The following KANSL2 variants were observed in gnomAD, a reference collection of about 807,000 sequenced individuals.
KANSL2 encodes the protein KAT8 regulatory NSL complex subunit 2, also known as NSL complex protein NSL2.
Under a neutral mutation model 55.6 loss-of-function variants are expected in KANSL2, and 34 were observed. The ratio of observed to expected loss-of-function variants is 0.61; its 90% CI spans 0.46 to 0.81. KANSL2 has a LOEUF of 0.81. Among genes scored for constraint, KANSL2 ranks in the 40% least tolerant of loss-of-function variants. The pLI, the probability that KANSL2 is intolerant of heterozygous loss-of-function variation, is 0.00. For missense variants in KANSL2, 502 were observed against 609.9 expected, an observed-to-expected ratio of 0.82 and a Z score of 1.86; for synonymous variants, 209 against 214.3, an observed-to-expected ratio of 0.98 and a Z score of 0.22.
rs926433330 is a variant in KANSL2 at position 48,679,661 on chromosome 12, T to G, written c.424A>C (p.Ile142Leu). The change falls in exon 3 of 10, where the codon ATA becomes CTA. Residue 142 changes from isoleucine (I) to leucine (L), a missense_variant. By Grantham distance (5) the Ile-to-Leu change is conservative. Coordinates refer to ENST00000420613, the MANE Select transcript of KANSL2 (RefSeq NM_017822.4). ...PESSRSEASR[I>L]LDEDSWSDGE... The stretch of plus-strand genomic sequence containing the variant: ...CAGGAGAGAAGGTCCTTACCTAGTA[T>G]TCGGCTGGCTTCACTGCGACTACTT... 2.5e-6 allele frequency: 4 copies of G among 1,613,330 alleles called. No homozygotes were observed. The highest frequency in any genetic ancestry group is 3.4e-6 in the Non-Finnish European group (4 of 1,179,662).
chr12:48,663,482 A>G (rs1316594251), intron 7 of KANSL2, among the ~76,000 whole-genome samples: 1 of 152,198 alleles, frequency 6.6e-6, no homozygotes, highest in Non-Finnish European at 1.5e-5. Flanking sequence ...CTTTAACAAC[A>G]CAAGCTTGAA....
intron 4 of KANSL2, among the ~76,000 whole-genome samples, chr12:48,677,824 T>C (rs17123234): frequency 0.012 from 1,790 of 150,650 alleles, 36 homozygotes; most frequent in African/African-American, 0.041. Context: ...ATGAATATGT[T>C]GGTTTAAGTT....
intron 4 of KANSL2, 119 bp from the exon 5 acceptor site, chr12:48,672,081 A>G: frequency 1.3e-6 from 1 of 786,246 alleles, no homozygotes; most frequent in East Asian, 2.8e-5. Context: ...TAATCACCTT[A>G]ATGTTTTTGC....
rs1473193819 is a variant in KANSL2, at chr12:48,681,998, T to G, written c.-10+189A>C. On this transcript the variant is annotated intron_variant, in intron 1 of 9. Transcript: ENST00000420613. ...TCAGAGCGCACGACTGGGCCTGGCCTCGGAAGCCTATGCGAGCGCCATTTT... is the reference window on the plus strand; with the variant it reads ...TCAGAGCGCACGACTGGGCCTGGCCGCGGAAGCCTATGCGAGCGCCATTTT... 4.3e-6 allele frequency: 3 copies of G among 702,876 alleles called. No homozygotes were observed. In the East Asian group the frequency reaches 8.0e-5, roughly 19 times the overall value. The allele number at this position is 702,876 out of a possible 1,614,324, so 43.5% of individuals were successfully genotyped here.
intron 2 of KANSL2, among the ~76,000 whole-genome samples, chr12:48,680,942 C>T (rs1376421324): frequency 1.3e-5 from 2 of 151,458 alleles, no homozygotes; most frequent in Non-Finnish European, 2.9e-5. Context: ...TGCACTCCAG[C>T]CTGGGGAATA....
At chr12:48,677,411 G>A (rs970327038) in intron 4 of KANSL2, among the ~76,000 whole-genome samples, 6 of 152,024 alleles carry the variant, frequency 3.9e-5, no homozygotes, top group East Asian at 1.9e-4. Flanking sequence ...CACACCAAAC[G>A]ACACTCCCTT....
At chr12:48,670,074 G>A (rs767441652) in intron 5 of KANSL2, among the ~76,000 whole-genome samples, 33 of 151,656 alleles carry the variant, frequency 2.2e-4, no homozygotes, top group Non-Finnish European at 3.8e-4. Context: ...GGTGGCATGC[G>A]CCTATAGTCC....
intron 4 of KANSL2, among the ~76,000 whole-genome samples, chr12:48,677,049 G>A (rs1939834210): frequency 6.6e-6 from 1 of 152,088 alleles, no homozygotes; most frequent in South Asian, 2.1e-4. Flanking sequence ...TAATCATAAG[G>A]AGACACTGAA....
At chr12:48,672,048 T>C (rs948695357) in intron 4 of KANSL2, 86 bp from the exon 5 acceptor site, 2 of 1,186,520 alleles carry the variant, frequency 1.7e-6, no homozygotes, top group Non-Finnish European at 2.3e-6. Flanking sequence ...CAGACTAAGT[T>C]TGTTATTTAA....
chr12:48,672,348 CACATATACATATATACATGTATATAT>C (rs1386660723), intron 4 of KANSL2, among the ~76,000 whole-genome samples: 2 of 145,778 alleles, frequency 1.4e-5, no homozygotes, highest in African/African-American at 5.0e-5. Context: ...ATGTATCTTT[CACATATACATATATACATGTATATAT>C]ACGTATATAT....
chr12:48,659,456 T>C (rs538844632), intron 8 of KANSL2, among the ~76,000 whole-genome samples: 45 of 151,906 alleles, frequency 3.0e-4, no homozygotes, highest in African/African-American at 1.1e-3. Flanking sequence ...AGATCTCATC[T>C]ATACAAAAAA....
At chr12:48,664,940 G>A (rs1001497417) in intron 7 of KANSL2, among the ~76,000 whole-genome samples, 2 of 134,002 alleles carry the variant, frequency 1.5e-5, no homozygotes, top group African/African-American at 5.7e-5. Flanking sequence ...AAAGTAGAAT[G>A]CAGTGGCATG....
At chr12:48,665,232 AAAGACTAAG>A (rs1318868590) in intron 7 of KANSL2, among the ~76,000 whole-genome samples, 1 of 152,220 alleles carries the variant, frequency 6.6e-6, no homozygotes, top group African/African-American at 2.4e-5. Context: ...CTTCCTGTCA[AAAGACTAAG>A]AAGAGGTTCT....
chr12:48,658,147 C>T (rs1939424155), intron 8 of KANSL2, among the ~76,000 whole-genome samples: 1 of 152,076 alleles, frequency 6.6e-6, no homozygotes, highest in Non-Finnish European at 1.5e-5. Flanking sequence ...CGGAGAATCG[C>T]TTGAACCCAG....
rs1253506714 is a variant in KANSL2, at chr12:48,660,470, G to C, written c.1123C>G (p.Gln375Glu). The change falls in exon 8 of 10, where the codon CAG becomes GAG. Residue 375 changes from glutamine (Q) to glutamate (E), a missense_variant. Coordinates refer to ENST00000420613, the MANE Select transcript of KANSL2 (RefSeq NM_017822.4). ...QLPPQMYKPE[Q>E]VLSVPDDLEA... The stretch of plus-strand genomic sequence containing the variant: ...AGATCGTCTGGCACAGACAGTACCT[G>C]CTCGGGCTTATACATCTGAGGAGGC... 4 of 1,613,918 alleles carry C rather than the reference G, an allele frequency of 2.5e-6. No homozygotes were observed. Among genetic ancestry groups the C allele is most frequent in the Non-Finnish European group, 2.5e-6 (3 of 1,179,864 alleles).
chr12:48,669,828 T>C (rs1172726555), intron 5 of KANSL2, among the ~76,000 whole-genome samples: 2 of 152,092 alleles, frequency 1.3e-5, no homozygotes, highest in Non-Finnish European at 1.5e-5. Flanking sequence ...AAATTCTTAT[T>C]GCCTAGTGAC....
Position 48,671,974 on chromosome 12 carries a change from CAG to C in KANSL2, c.546-14_546-13del. The C allele has an allele frequency of 1.3e-6, 2 of 1,548,478 alleles. No individual in the cohort carries two copies. The highest frequency in any genetic ancestry group is 3.4e-4 in the Middle Eastern group (2 of 5,804). ...AGACACCAGCATGTCTGGAATAAAA[CAG>C]AATTCAGCAAAGCATAAGAAAACAA... On this transcript the variant is annotated splice_polypyrimidine_tract_variant and intron_variant, in intron 4 of 9. Coordinates refer to ENST00000420613, the MANE Select transcript of KANSL2 (RefSeq NM_017822.4).
chr12:48,660,812 A>C (rs1939472215), intron 7 of KANSL2, among the ~76,000 whole-genome samples, 193 bp from the exon 8 acceptor site: 1 of 152,182 alleles, frequency 6.6e-6, no homozygotes, highest in Non-Finnish European at 1.5e-5. Flanking sequence ...TACTAGCATC[A>C]AATTCTAGCT....
At chr12:48,670,199 A>C (rs887994735) in intron 5 of KANSL2, among the ~76,000 whole-genome samples, 3 of 65,730 alleles carry the variant, frequency 4.6e-5, no homozygotes, top group African/African-American at 1.6e-4. Flanking sequence ...ACTATATCAC[A>C]AAAAAAAAAA....
Sources: gnomAD v4.1 joint callset for allele counts (sites outside exome capture counted in the v4.1 genomes callset) on GRCh38, gnomAD v4.1.1 for gene constraint, MANE v1.5 for transcripts, NCBI Gene and HGNC (gene_info 2026-07-23, HGNC 2026-07-21) for gene names.